The following FTCDNL1 variants were observed in gnomAD, a reference collection of about 807,000 sequenced individuals.
The protein encoded by FTCDNL1 is formiminotransferase cyclodeaminase N-terminal like, also known as formiminotransferase N-terminal subdomain-containing protein.
FTCDNL1 carries 11 observed loss-of-function variants against 5.9 expected under a neutral mutation model. The observed-to-expected ratio is 1.87, with a 90% CI of 1.18 to 3.10. The LOEUF is 3.10. Among genes scored for constraint, FTCDNL1 ranks in the 30% most tolerant of loss-of-function variants. The probability of loss-of-function intolerance (pLI) is 0.00; values close to 1 mark genes in which losing one functional copy is unlikely to be tolerated. For missense variants in FTCDNL1, 115 were observed against 65.5 expected, an observed-to-expected ratio of 1.76 and a Z score of -2.61; for synonymous variants, 58 against 24.8, an observed-to-expected ratio of 2.34 and a Z score of -3.99.
the FTCDNL1 span, among the ~76,000 whole-genome samples, chr2:199,730,848 T>C: frequency 6.6e-6 from 1 of 152,228 alleles, no homozygotes; most frequent in Non-Finnish European, 1.5e-5. Flanking sequence ...ACTGGGTATA[T>C]ACCCAAAGGA....
At chr2:199,795,872 G>A (rs535302113) in intron 3 of FTCDNL1, among the ~76,000 whole-genome samples, 7 of 151,884 alleles carry the variant, frequency 4.6e-5, no homozygotes, top group East Asian at 1.9e-4. Context: ...TTCTTGTCTC[G>A]GTAAATGCTA....
chr2:199,686,732 T>C, the FTCDNL1 span, among the ~76,000 whole-genome samples: 1,674 of 152,284 alleles, frequency 0.011, 33 homozygotes, highest in African/African-American at 0.038. Context: ...AAAAACATAT[T>C]TGTCTGGGTA....
intron 3 of FTCDNL1, among the ~76,000 whole-genome samples, chr2:199,791,403 T>C: frequency 6.6e-6 from 1 of 152,174 alleles, no homozygotes; most frequent in East Asian, 1.9e-4. Context: ...TGTATGTGTG[T>C]ATACAGTTTT....
chr2:199,832,424 TC>T (rs1702432931), intron 3 of FTCDNL1, among the ~76,000 whole-genome samples: 1 of 152,192 alleles, frequency 6.6e-6, no homozygotes, highest in African/African-American at 2.4e-5. Context: ...TAACAGGCAC[TC>T]CAAGACTGTC....
downstream of FTCDNL1, among the ~76,000 whole-genome samples, chr2:199,756,143 G>C (rs80174298): frequency 5.9e-3 from 891 of 152,254 alleles, 2 homozygotes; most frequent in Middle Eastern, 0.01. Flanking sequence ...CATTTCATTG[G>C]GGTAATATGA....
intron 3 of FTCDNL1, among the ~76,000 whole-genome samples, chr2:199,843,217 G>A (rs1224745662): frequency 6.6e-6 from 1 of 152,184 alleles, no homozygotes; most frequent in African/African-American, 2.4e-5. Context: ...GGCAAGGGAA[G>A]GGAGAAATCC....
intron 3 of FTCDNL1, among the ~76,000 whole-genome samples, chr2:199,781,761 T>A (rs950278107): frequency 4.0e-5 from 5 of 125,806 alleles, no homozygotes; most frequent in African/African-American, 1.3e-4. Context: ...GGTATTGTTT[T>A]TTTTTCTTGT....
the FTCDNL1 span, among the ~76,000 whole-genome samples, chr2:199,688,881 C>T: frequency 6.6e-6 from 1 of 152,160 alleles, no homozygotes; most frequent in African/African-American, 2.4e-5. Flanking sequence ...TTTCCTACAT[C>T]CTCCATTATT....
chr2:199,720,877 A>G, the FTCDNL1 span, among the ~76,000 whole-genome samples: 1 of 152,212 alleles, frequency 6.6e-6, no homozygotes, highest in South Asian at 2.1e-4. Context: ...CATCCATTTC[A>G]GAAAGCTTTG....
chr2:199,774,393 C>A (rs1160693997), intron 3 of FTCDNL1, among the ~76,000 whole-genome samples: 3 of 152,284 alleles, frequency 2.0e-5, no homozygotes, highest in Non-Finnish European at 2.9e-5. Context: ...TCCCTTTCCT[C>A]CCTTAGCAGG....
At chr2:199,684,081 G>C in the FTCDNL1 span, among the ~76,000 whole-genome samples, 1 of 152,210 alleles carries the variant, frequency 6.6e-6, no homozygotes, top group Non-Finnish European at 1.5e-5. Context: ...ACTGTCTGTT[G>C]TTACCACTTG....
In FTCDNL1 at chr2:199,827,299, C is replaced by G. The variant is rs536852641; in HGVS notation, c.212-7542G>C. Among the ~76,000 whole-genome samples the G allele has an allele frequency of 2.0e-5, 3 of 152,276 alleles. No homozygotes were observed. In the South Asian group the frequency reaches 6.2e-4, roughly 32 times the overall value. ...AGGATAACTGACCCAGATTCTGCTA[C>G]AAGTAAATGGCAGGGAAAAAACTGG... On this transcript the variant is annotated intron_variant, in intron 3 of 4. Transcript: ENST00000420128.
chr2:199,758,083 G>C (rs1053730423), downstream of FTCDNL1, among the ~76,000 whole-genome samples: 1 of 152,028 alleles, frequency 6.6e-6, no homozygotes, highest in Non-Finnish European at 1.5e-5. Context: ...ACAGGCACAG[G>C]GTGTGAGCTG....
rs116034930 is a variant in FTCDNL1 at position 199,834,734 on chromosome 2, C to T, written c.211+11341G>A. 4.0e-3 allele frequency among the ~76,000 whole-genome samples: 603 copies of T among 152,330 alleles called. 5 individuals carry two copies. The highest frequency in any genetic ancestry group is 0.014 in the African/African-American group (573 of 41,572). ...AAAGGAAGACGTGTATTATTTGTCA[C>T]GCTCTCCTCTTAAACCTACCCCAAT... On this transcript the variant is annotated intron_variant, in intron 3 of 4. Coordinates refer to ENST00000420128, the MANE Select transcript of FTCDNL1 (RefSeq NM_001363886.2).
At chr2:199,700,370 T>C in the FTCDNL1 span, among the ~76,000 whole-genome samples, 1 of 152,072 alleles carries the variant, frequency 6.6e-6, no homozygotes, top group African/African-American at 2.4e-5. Flanking sequence ...CAAAGAGAAT[T>C]ACAAAACACT....
At chr2:199,805,984 C>T (rs1700707204), downstream of FTCDNL1, among the ~76,000 whole-genome samples, 1 of 151,886 alleles carries the variant, frequency 6.6e-6, no homozygotes. Flanking sequence ...AACACCCACA[C>T]TAAAAATGTA....
the FTCDNL1 span, among the ~76,000 whole-genome samples, chr2:199,733,684 G>T: frequency 1.1e-4 from 16 of 152,162 alleles, no homozygotes; most frequent in Non-Finnish European, 1.8e-4. Context: ...AGTTCTTCCT[G>T]CTCCGTATGC....
intron 3 of FTCDNL1, among the ~76,000 whole-genome samples, chr2:199,822,820 G>A (rs769059818): frequency 3.3e-5 from 5 of 152,116 alleles, no homozygotes; most frequent in Non-Finnish European, 4.4e-5. Context: ...TCATCCATAA[G>A]AAGTAACTCC....
chr2:199,670,522 A>G, the FTCDNL1 span, among the ~76,000 whole-genome samples: 4 of 152,206 alleles, frequency 2.6e-5, no homozygotes, highest in Non-Finnish European at 5.9e-5. Context: ...ATTCAGGCAA[A>G]GTAATAAGGT....
Sources: allele counts gnomAD v4.1 joint callset (sites outside exome capture counted in the v4.1 genomes callset), GRCh38; gene constraint gnomAD v4.1.1; transcripts MANE v1.5; gene names NCBI Gene and HGNC (gene_info 2026-07-23, HGNC 2026-07-21).